The following TLE1 variants were observed in gnomAD, a reference collection of about 807,000 sequenced individuals.
TLE1 encodes TLE family member 1, transcriptional corepressor.
In TLE1, 21 loss-of-function variants were observed where a neutral mutation model predicts 89.8. That is an observed-to-expected ratio of 0.23 (90% confidence interval 0.17 to 0.34). The LOEUF is 0.34. TLE1 is among the 10% of genes least tolerant of loss of function. The pLI, the probability that TLE1 is intolerant of heterozygous loss-of-function variation, is 1.00. For missense variants in TLE1, 795 were observed against 1,031.2 expected, an observed-to-expected ratio of 0.77 and a Z score of 3.14; for synonymous variants, 447 against 407.6, an observed-to-expected ratio of 1.10 and a Z score of -1.16.
At chr9:81,671,978 TG>T (rs1288356012) in intron 4 of TLE1, among the ~76,000 whole-genome samples, 4 of 152,088 alleles carry the variant, frequency 2.6e-5, no homozygotes, top group Admixed American at 6.6e-5. Context: ...CACTTACAAA[TG>T]GAAAAAGTTC....
At chr9:81,658,137 C>A (rs116347734) in intron 4 of TLE1, among the ~76,000 whole-genome samples, 1,557 of 152,014 alleles carry the variant, frequency 0.01, 24 homozygotes, top group African/African-American at 0.035. Context: ...ATTTTAAACT[C>A]CTGACCTCAA....
intron 8 of TLE1, among the ~76,000 whole-genome samples, chr9:81,627,596 GC>G (rs1329811027): frequency 2.0e-5 from 3 of 152,120 alleles, no homozygotes; most frequent in African/African-American, 4.8e-5. Flanking sequence ...AGGGAAACCT[GC>G]CCAGGAGTCT....
intron 14 of TLE1, among the ~76,000 whole-genome samples, chr9:81,593,610 C>T (rs1278984118): frequency 6.6e-6 from 1 of 152,138 alleles, no homozygotes; most frequent in Non-Finnish European, 1.5e-5. Context: ...TAAAATACCT[C>T]CTTCCATGTA....
intron 8 of TLE1, among the ~76,000 whole-genome samples, chr9:81,632,869 T>C (rs1826854156): frequency 6.6e-6 from 1 of 152,206 alleles, no homozygotes. Context: ...GCAACCAAGA[T>C]GCATTCACAG....
intron 19 of TLE1, 25 bp from the exon 20 acceptor site, chr9:81,584,330 T>G: frequency 6.2e-7 from 1 of 1,612,234 alleles, no homozygotes; most frequent in Non-Finnish European, 8.5e-7. Flanking sequence ...AATGGACATG[T>G]GTTTAATGTG....
chr9:81,655,381 A>G (rs139463875), intron 4 of TLE1, among the ~76,000 whole-genome samples: 285 of 152,076 alleles, frequency 1.9e-3, no homozygotes, highest in Middle Eastern at 3.4e-3. Flanking sequence ...AAAAATAAAG[A>G]AGGCTGGAAA....
intron 8 of TLE1, among the ~76,000 whole-genome samples, chr9:81,624,671 A>G (rs1182273086): frequency 1.3e-5 from 2 of 152,226 alleles, no homozygotes; most frequent in African/African-American, 2.4e-5. Flanking sequence ...TAAAATGTAA[A>G]TATCTGCCAG....
chr9:81,593,993 G>T (rs1006012703), intron 14 of TLE1, among the ~76,000 whole-genome samples: 5 of 152,168 alleles, frequency 3.3e-5, no homozygotes, highest in Non-Finnish European at 7.3e-5. Flanking sequence ...CCAATGAGGT[G>T]TAAGAAGAAG....
At chr9:81,658,213 T>C (rs1456902397) in intron 4 of TLE1, among the ~76,000 whole-genome samples, 1 of 152,064 alleles carries the variant, frequency 6.6e-6, no homozygotes, top group African/African-American at 2.4e-5. Context: ...CCACTGTGCC[T>C]GGCCGATGCA....
At chr9:81,587,590 C>G in intron 17 of TLE1, 91 bp downstream of exon 17, 1 of 1,440,796 alleles carries the variant, frequency 6.9e-7, no homozygotes, top group Non-Finnish European at 9.1e-7. Flanking sequence ...CAGCCACTAC[C>G]ATCCTAGGGT....
chr9:81,620,706 C>T (rs1825127339), intron 8 of TLE1, 149 bp from the exon 9 acceptor site: 8 of 1,451,348 alleles, frequency 5.5e-6, no homozygotes, highest in Non-Finnish European at 6.3e-6. Flanking sequence ...ACTTTGATGG[C>T]AAACATATCT....
chr9:81,594,461 T>C (rs1829950943), intron 14 of TLE1, among the ~76,000 whole-genome samples: 1 of 151,838 alleles, frequency 6.6e-6, no homozygotes, highest in Non-Finnish European at 1.5e-5. Flanking sequence ...ATGTTCTCAC[T>C]CATAAATGGG....
intron 9 of TLE1, among the ~76,000 whole-genome samples, chr9:81,618,282 A>C (rs1348304552): frequency 6.6e-6 from 1 of 152,238 alleles, no homozygotes; most frequent in Admixed American, 6.5e-5. Context: ...TAGAAATAAT[A>C]TCTGAAAAAT....
intron 6 of TLE1, among the ~76,000 whole-genome samples, chr9:81,643,340 G>A (rs941910677): frequency 5.3e-5 from 8 of 151,888 alleles, no homozygotes; most frequent in Admixed American, 3.9e-4. Flanking sequence ...GGGTTCAAGC[G>A]ATTCTCCTGC....
intron 8 of TLE1, among the ~76,000 whole-genome samples, chr9:81,632,803 G>C (rs1259735490): frequency 6.6e-6 from 1 of 152,100 alleles, no homozygotes; most frequent in Non-Finnish European, 1.5e-5. Flanking sequence ...ATAGATATAA[G>C]ATCAAGTTCA....
intron 8 of TLE1, among the ~76,000 whole-genome samples, chr9:81,622,679 A>T (rs1825421873): frequency 6.6e-6 from 1 of 152,216 alleles, no homozygotes; most frequent in South Asian, 2.1e-4. Flanking sequence ...AAAAGCTCTG[A>T]AAGTTCCTCT....
intron 11 of TLE1, among the ~76,000 whole-genome samples, chr9:81,615,132 A>T (rs1458530934): frequency 7.1e-6 from 1 of 140,176 alleles, no homozygotes; most frequent in African/African-American, 2.6e-5. Context: ...GAAGAAGAAG[A>T]AGAAGGCAAT....
chr9:81,630,552 C>G (rs1429570759), intron 8 of TLE1, among the ~76,000 whole-genome samples: 1 of 151,864 alleles, frequency 6.6e-6, no homozygotes, highest in Non-Finnish European at 1.5e-5. Context: ...AAAATATAAC[C>G]CAGATAAACA....
intron 8 of TLE1, among the ~76,000 whole-genome samples, chr9:81,631,202 C>T (rs1826555111): frequency 6.6e-6 from 1 of 152,230 alleles, no homozygotes; most frequent in Admixed American, 6.5e-5. Context: ...CTGCTTCATA[C>T]TTCTTGAAGG....
Sources: allele counts gnomAD v4.1 joint callset (sites outside exome capture counted in the v4.1 genomes callset), GRCh38; gene constraint gnomAD v4.1.1; transcripts MANE v1.5; gene names NCBI Gene and HGNC (gene_info 2026-07-23, HGNC 2026-07-21).